Variants in TLL2 observed in about 807,000 individuals in gnomAD.
TLL2 encodes the protein tolloid like 2, also known as tolloid-like protein 2.
Under a neutral mutation model 123.0 loss-of-function variants are expected in TLL2, and 106 were observed. That is an observed-to-expected ratio of 0.86 (90% CI 0.74 to 1.01). TLL2 has a LOEUF of 1.01. Ranked by LOEUF, TLL2 falls within the 50% of genes least tolerant of loss-of-function variation. TLL2 has a pLI of 0.00. For synonymous variants in TLL2, 494 were observed against 516.8 expected (o/e 0.96, Z 0.60); for missense variants, 1,332 against 1,336.7 (o/e 1.00, Z 0.06).
Position 96,409,619 on chromosome 10 carries a change from T to C in TLL2, c.1164+740A>G, listed in dbSNP as rs79786398. ...ATAATGGATATAACAGTACGTGCCC[T>C]GCAGTAGGGTTGAAAACATACCACC... On this transcript the variant is annotated intron_variant, in intron 9 of 20. Transcript: ENST00000357947. Among the ~76,000 whole-genome samples the C allele has an allele frequency of 1.6e-3, 248 of 152,308 alleles. 5 individuals carry two copies. In the East Asian group the frequency reaches 0.042, roughly 26 times the overall value.
rs112377342 is a variant in TLL2 at position 96,454,879 on chromosome 10, G to A, written c.287-8711C>T. Among the ~76,000 whole-genome samples, 406 of 152,230 alleles carry A rather than the reference G, an allele frequency of 2.7e-3. 2 individuals carry two copies. The highest frequency in any genetic ancestry group is 9.3e-3 in the African/African-American group (388 of 41,524). On this transcript the variant is annotated intron_variant, in intron 2 of 20. Transcript: ENST00000357947. ...CAATAAGCCATATTTTATACCTGAA[G>A]CACCACAAGCTGAGGAAGAAGTTCA...
intron 13 of TLL2, among the ~76,000 whole-genome samples, chr10:96,392,180 C>A (rs1846296159): frequency 6.6e-6 from 1 of 152,152 alleles, no homozygotes; most frequent in African/African-American, 2.4e-5. Context: ...CGTCTTCTAA[C>A]CAGCAAATGG....
intron 1 of TLL2, among the ~76,000 whole-genome samples, chr10:96,488,244 G>A (rs1032888007): frequency 6.6e-6 from 1 of 152,226 alleles, no homozygotes; most frequent in Admixed American, 6.5e-5. Context: ...TGTGTAGTGA[G>A]CTAAGAGACG....
intron 2 of TLL2, among the ~76,000 whole-genome samples, chr10:96,457,692 T>C (rs1421718968): frequency 6.6e-6 from 1 of 151,966 alleles, no homozygotes; most frequent in Non-Finnish European, 1.5e-5. Context: ...ACAGAAATGC[T>C]TGGGGGGTAG....
intron 2 of TLL2, among the ~76,000 whole-genome samples, chr10:96,456,961 A>T (rs376015792): frequency 6.6e-6 from 1 of 152,222 alleles, no homozygotes; most frequent in Non-Finnish European, 1.5e-5. Flanking sequence ...AGGATAGAAC[A>T]TAGGAGGGAA....
chr10:96,513,137 C>T (rs1847648149), intron 1 of TLL2, among the ~76,000 whole-genome samples: 1 of 152,190 alleles, frequency 6.6e-6, no homozygotes, highest in Non-Finnish European at 1.5e-5. Context: ...CTCGGAGCGC[C>T]GCGCCCAGTC....
chr10:96,473,354 C>A (rs1456129389), intron 2 of TLL2, among the ~76,000 whole-genome samples: 1 of 152,108 alleles, frequency 6.6e-6, no homozygotes, highest in Non-Finnish European at 1.5e-5. Context: ...ACTCAAGAGG[C>A]TGAGGCAGGA....
intron 7 of TLL2, among the ~76,000 whole-genome samples, chr10:96,414,202 G>A (rs1846533133): frequency 6.6e-6 from 1 of 152,082 alleles, no homozygotes; most frequent in African/African-American, 2.4e-5. Context: ...CCTCTATCTG[G>A]GGCCTCTCCT....
intron 16 of TLL2, among the ~76,000 whole-genome samples, chr10:96,382,080 T>G (rs1846190712): frequency 6.6e-6 from 1 of 152,212 alleles, no homozygotes; most frequent in South Asian, 2.1e-4. Context: ...CTTTCTTTTT[T>G]TTTTTGAGAC....
chr10:96,369,967 A>G (rs1846063501), intron 20 of TLL2, 98 bp downstream of exon 20: 2 of 1,456,464 alleles, frequency 1.4e-6, no homozygotes, highest in Non-Finnish European at 9.1e-7. Context: ...TCCTAAGTGG[A>G]GTAGGTGGCC....
chr10:96,394,313 C>T (rs1028998624), intron 13 of TLL2, among the ~76,000 whole-genome samples: 5 of 152,294 alleles, frequency 3.3e-5, no homozygotes, highest in South Asian at 4.1e-4. Context: ...TGCTCCTGGG[C>T]GCCCAGGCCC....
chr10:96,481,860 A>G (rs1847314559), intron 1 of TLL2, among the ~76,000 whole-genome samples: 1 of 152,218 alleles, frequency 6.6e-6, no homozygotes, highest in South Asian at 2.1e-4. Flanking sequence ...TATCCTCATA[A>G]CTACAGAAAA....
intron 13 of TLL2, among the ~76,000 whole-genome samples, chr10:96,390,360 A>T (rs10786287): frequency 0.98 from 149,240 of 152,346 alleles, 73,166 homozygotes; most frequent in East Asian, 1. Flanking sequence ...AAGGTGGGAA[A>T]TCTTTAATTC....
intron 1 of TLL2, among the ~76,000 whole-genome samples, chr10:96,505,732 T>C (rs912960003): frequency 6.6e-6 from 1 of 152,212 alleles, no homozygotes. Flanking sequence ...GTTCATACAA[T>C]TCAGTTCACT....
At chr10:96,510,401 C>G (rs1171435120) in intron 1 of TLL2, among the ~76,000 whole-genome samples, 1 of 152,296 alleles carries the variant, frequency 6.6e-6, no homozygotes, top group Admixed American at 6.5e-5. Flanking sequence ...TCCACTCCCC[C>G]GTCACTTGAT....
intron 2 of TLL2, among the ~76,000 whole-genome samples, chr10:96,472,621 G>A (rs2134099776): frequency 6.6e-6 from 1 of 152,132 alleles, no homozygotes. Flanking sequence ...AATTAGCCAG[G>A]CACGGTGACA....
intron 4 of TLL2, among the ~76,000 whole-genome samples, chr10:96,430,423 C>A (rs1321616826): frequency 6.6e-6 from 1 of 152,148 alleles, no homozygotes; most frequent in African/African-American, 2.4e-5. Flanking sequence ...GAGCCGTGAG[C>A]CAAAACAAAC....
At chr10:96,415,732 T>C in intron 7 of TLL2, among the ~76,000 whole-genome samples, 1 of 82,128 alleles carries the variant, frequency 1.2e-5, no homozygotes, top group Non-Finnish European at 2.3e-5. Context: ...TCTCTCTGTC[T>C]CTCTCTGTCT....
intron 1 of TLL2, among the ~76,000 whole-genome samples, chr10:96,500,810 G>C (rs11592451): frequency 1.4e-5 from 2 of 139,216 alleles, no homozygotes; most frequent in Admixed American, 7.4e-5. Context: ...GGGACGGAGG[G>C]AGGGAGGGAG....
Sources: gnomAD v4.1 joint callset for allele counts (sites outside exome capture counted in the v4.1 genomes callset) on GRCh38, gnomAD v4.1.1 for gene constraint, MANE v1.5 for transcripts, NCBI Gene and HGNC (gene_info 2026-07-23, HGNC 2026-07-21) for gene names.